Variants in RSRC1 observed in about 807,000 individuals in gnomAD.
RSRC1 encodes the protein arginine and serine rich coiled-coil 1.
RSRC1 carries 39 observed loss-of-function variants against 49.1 expected under a neutral mutation model. That is an observed-to-expected ratio of 0.79 (90% CI 0.61 to 1.04). The LOEUF (loss-of-function observed/expected upper bound fraction) is 1.04. RSRC1 is among the 50% of genes least tolerant of loss of function. The pLI is 0.00. For synonymous variants in RSRC1, 143 were observed against 130.8 expected, an observed-to-expected ratio of 1.09 and a Z score of -0.63; for missense variants, 388 against 402.4, an observed-to-expected ratio of 0.96 and a Z score of 0.31.
intron 6 of RSRC1, among the ~76,000 whole-genome samples, chr3:158,369,884 A>G (rs1231813595): frequency 1.3e-5 from 2 of 152,074 alleles, no homozygotes; most frequent in Non-Finnish European, 2.9e-5. Flanking sequence ...CAAGTGTTCA[A>G]ATAATTTCTG....
chr3:158,195,799 G>T (rs1021239346), intron 3 of RSRC1, among the ~76,000 whole-genome samples: 1 of 152,166 alleles, frequency 6.6e-6, no homozygotes, highest in Admixed American at 6.5e-5. Flanking sequence ...TCAAACATCA[G>T]ATAGTTGTAG....
At chr3:158,316,507 C>T (rs1389880874) in intron 5 of RSRC1, among the ~76,000 whole-genome samples, 1 of 132,594 alleles carries the variant, frequency 7.5e-6, no homozygotes, top group Non-Finnish European at 1.5e-5. Context: ...TGCAGTGGCG[C>T]GATCTCGGCT....
At chr3:158,258,395 C>G (rs1459134640) in intron 4 of RSRC1, among the ~76,000 whole-genome samples, 3 of 151,556 alleles carry the variant, frequency 2.0e-5, no homozygotes, top group African/African-American at 7.3e-5. Context: ...CCACTCTCTT[C>G]TGGCCTGTAA....
chr3:158,266,013 G>A (rs1311365704), intron 4 of RSRC1, among the ~76,000 whole-genome samples: 4 of 152,010 alleles, frequency 2.6e-5, no homozygotes, highest in South Asian at 4.2e-4. Context: ...CTATATATAT[G>A]GGTCCTTTTC....
At chr3:158,435,118 AGACT>A (rs1296905485) in intron 6 of RSRC1, among the ~76,000 whole-genome samples, 6 of 151,960 alleles carry the variant, frequency 3.9e-5, no homozygotes, top group African/African-American at 1.2e-4. Flanking sequence ...GTGTAATGCT[AGACT>A]GACTGATTTG....
intron 4 of RSRC1, among the ~76,000 whole-genome samples, chr3:158,230,497 C>T (rs183977785): frequency 4.6e-5 from 7 of 152,184 alleles, no homozygotes; most frequent in Admixed American, 3.3e-4. Context: ...CAAAACAAAA[C>T]AACAGGGTCT....
At chr3:158,126,406 A>T (rs1490922678) in intron 3 of RSRC1, among the ~76,000 whole-genome samples, 1 of 151,928 alleles carries the variant, frequency 6.6e-6, no homozygotes, top group Non-Finnish European at 1.5e-5. Flanking sequence ...TGTGGTTGCC[A>T]TGAGGCTTAC....
intron 9 of RSRC1, 100 bp from the exon 10 acceptor site, chr3:158,544,083 G>T: frequency 1.3e-6 from 1 of 756,340 alleles, no homozygotes; most frequent in Non-Finnish European, 2.2e-6. Flanking sequence ...CAAATCTTGT[G>T]TTGAGAGATA....
chr3:158,488,572 A>C (rs541417135), intron 7 of RSRC1, among the ~76,000 whole-genome samples: 2 of 152,210 alleles, frequency 1.3e-5, no homozygotes, highest in Non-Finnish European at 2.9e-5. Context: ...GCTGCTTAGA[A>C]ATTAGAGTAT....
chr3:158,348,249 T>A (rs1730675579), intron 5 of RSRC1, among the ~76,000 whole-genome samples: 1 of 152,184 alleles, frequency 6.6e-6, no homozygotes, highest in African/African-American at 2.4e-5. Context: ...GGCCAGGGGT[T>A]TAGGGAGTTG....
intron 3 of RSRC1, among the ~76,000 whole-genome samples, chr3:158,201,667 A>T (rs1269844383): frequency 6.6e-6 from 1 of 152,030 alleles, no homozygotes; most frequent in Non-Finnish European, 1.5e-5. Flanking sequence ...TTAATTTCAG[A>T]GATTGTGTTT....
intron 7 of RSRC1, among the ~76,000 whole-genome samples, chr3:158,491,704 G>T (rs1217574694): frequency 6.6e-6 from 1 of 152,126 alleles, no homozygotes; most frequent in Non-Finnish European, 1.5e-5. Flanking sequence ...CAAATTATAT[G>T]CTGAAGTAAT....
intron 7 of RSRC1, among the ~76,000 whole-genome samples, chr3:158,533,763 G>C (rs1712552493): frequency 6.6e-6 from 1 of 151,610 alleles, no homozygotes; most frequent in South Asian, 2.1e-4. Flanking sequence ...ACAGACAAAT[G>C]TAGTTTTCAT....
chr3:158,125,331 CT>C (rs1180623793), intron 3 of RSRC1, among the ~76,000 whole-genome samples: 3 of 151,414 alleles, frequency 2.0e-5, no homozygotes, highest in Non-Finnish European at 4.4e-5. Flanking sequence ...TGAGACTTTT[CT>C]TTTTTTCTTA....
At chr3:158,321,845 C>T (rs957409652) in intron 5 of RSRC1, among the ~76,000 whole-genome samples, 10 of 152,002 alleles carry the variant, frequency 6.6e-5, no homozygotes, top group Admixed American at 1.3e-4. Context: ...CCTCTGTGCT[C>T]CTCTCCTTTG....
chr3:158,523,643 T>C (rs1159911912), intron 7 of RSRC1, among the ~76,000 whole-genome samples: 1 of 152,022 alleles, frequency 6.6e-6, no homozygotes, highest in Non-Finnish European at 1.5e-5. Flanking sequence ...TGAAGACGAA[T>C]GGGTGCCTTT....
At chr3:158,509,896 C>T (rs941879824) in intron 7 of RSRC1, among the ~76,000 whole-genome samples, 2 of 152,124 alleles carry the variant, frequency 1.3e-5, no homozygotes, top group East Asian at 1.9e-4. Flanking sequence ...CATTCTTATA[C>T]CTCTCTCCTG....
chr3:158,169,558 C>T (rs753467775), intron 3 of RSRC1, among the ~76,000 whole-genome samples: 1 of 152,080 alleles, frequency 6.6e-6, no homozygotes, highest in African/African-American at 2.4e-5. Flanking sequence ...AGATTATATT[C>T]TCTTTAAACT....
intron 6 of RSRC1, among the ~76,000 whole-genome samples, chr3:158,382,211 A>G (rs986910772): frequency 6.6e-6 from 1 of 152,178 alleles, no homozygotes; most frequent in African/African-American, 2.4e-5. Context: ...GAAGATCTTC[A>G]GGGGCAATAA....
Sources: gnomAD v4.1 joint callset for allele counts (sites outside exome capture counted in the v4.1 genomes callset) on GRCh38, gnomAD v4.1.1 for gene constraint, MANE v1.5 for transcripts, NCBI Gene and HGNC (gene_info 2026-07-23, HGNC 2026-07-21) for gene names.